ERAP1: variants seen among roughly 807,000 people sequenced by gnomAD.
ERAP1 encodes adipocyte-derived leucine aminopeptidase.
In ERAP1, 86 loss-of-function variants were observed where a neutral mutation model predicts 103.7. That is an observed-to-expected ratio of 0.83 (90% confidence interval 0.70 to 0.99). The LOEUF is 0.99. ERAP1 is among the 50% of genes least tolerant of loss of function. The probability of loss-of-function intolerance (pLI) is 0.00; values close to 1 mark genes in which losing one functional copy is unlikely to be tolerated. For synonymous variants in ERAP1, 398 were observed against 402.4 expected (o/e 0.99, Z 0.13); for missense variants, 1,009 against 1,128.4 (o/e 0.89, Z 1.52).
chr5:96,803,999 C>T, intron 1 of ERAP1, 56 bp from the exon 2 acceptor site: 1 of 1,559,376 alleles, frequency 6.4e-7, no homozygotes. Flanking sequence ...GTTATTGACA[C>T]AGCATAATTT....
chr5:96,884,468 G>T, the ERAP1 span, among the ~76,000 whole-genome samples: 2 of 151,894 alleles, frequency 1.3e-5, no homozygotes, highest in African/African-American at 4.8e-5. Context: ...AGAAGTCTAT[G>T]ATGGAACTTA....
chr5:96,892,427 G>C, the ERAP1 span: 2 of 1,613,876 alleles, frequency 1.2e-6, no homozygotes, highest in Non-Finnish European at 8.5e-7. Flanking sequence ...GGTCACCAGA[G>C]TCATAGCCCA....
the ERAP1 span, among the ~76,000 whole-genome samples, chr5:96,853,861 A>AAG: frequency 1.3e-5 from 2 of 151,568 alleles, no homozygotes; most frequent in Non-Finnish European, 2.9e-5. Flanking sequence ...AAAAAAAAAA[A>AAG]AAGAAGCATG....
At chr5:96,935,772 A>C in the ERAP1 span, 1 of 215,132 alleles carries the variant, frequency 4.6e-6, no homozygotes. Context: ...GGCGTCCGGG[A>C]TCGGGCGGGT....
the ERAP1 span, among the ~76,000 whole-genome samples, chr5:96,912,128 C>T: frequency 4.1e-5 from 6 of 147,072 alleles, no homozygotes; most frequent in Non-Finnish European, 6.0e-5. Flanking sequence ...GGGGCGGAGC[C>T]TGCAGTGAGC....
At chr5:96,862,710 G>A in the ERAP1 span, among the ~76,000 whole-genome samples, 4 of 152,082 alleles carry the variant, frequency 2.6e-5, no homozygotes, top group Admixed American at 2.6e-4. Context: ...ATGGCAACAG[G>A]GTAACCTTCT....
upstream of ERAP1, among the ~76,000 whole-genome samples, chr5:96,811,281 A>G (rs1233951147): frequency 6.6e-6 from 1 of 152,222 alleles, no homozygotes; most frequent in Non-Finnish European, 1.5e-5. Context: ...GTTCCAAAAC[A>G]GGCCACTGAG....
the ERAP1 span, among the ~76,000 whole-genome samples, chr5:96,897,908 C>A: frequency 1.3e-5 from 2 of 152,284 alleles, no homozygotes; most frequent in South Asian, 2.1e-4. Context: ...TTTAAAGACA[C>A]TTTCATGGCC....
chr5:96,788,623 A>G lies in ERAP1; in HGVS notation c.1587T>C (p.Gly529=). 1 of 1,613,954 alleles carries G rather than the reference A, an allele frequency of 6.2e-7. No individual in the cohort carries two copies. Among genetic ancestry groups the G allele is most frequent in the Non-Finnish European group, 8.5e-7 (1 of 1,179,964 alleles). ...TCACTGTGATGGTTATTAGGGGAAA[A>G]CCCTTCTGCAGTGTCCAAGTGTTCA... ...TMMNTWTLQK[G]FPLITITVRG... The change falls in exon 11 of 19, where the codon GGT becomes GGC. Residue 529 remains glycine, a synonymous_variant. Transcript: ENST00000443439.
In ERAP1 at chr5:96,803,579, C is replaced by G. The variant is rs143595169; in HGVS notation, c.348G>C (p.Ser116=). Residue 116 remains serine, a synonymous_variant, in exon 2 of 19, where the codon TCG becomes TCC. Coordinates refer to ENST00000443439, the MANE Select transcript of ERAP1 (RefSeq NM_001040458.3). The part of the protein sequence containing the change: ...TLRKGAGERL[S]EEPLQVLEHP... ...GTTCCAGGACCTGCAGGGGTTCTTC[C>G]GATAGCCTCTCTCCAGCTCCCTTCC... 2 of 1,614,016 alleles carry G rather than the reference C, an allele frequency of 1.2e-6. No homozygotes were observed. The highest frequency in any genetic ancestry group is 1.7e-6 in the Non-Finnish European group (2 of 1,179,934).
upstream of ERAP1, among the ~76,000 whole-genome samples, chr5:96,812,974 C>T (rs1289660927): frequency 6.6e-6 from 1 of 151,974 alleles, no homozygotes; most frequent in African/African-American, 2.4e-5. Flanking sequence ...TTTTTTCTTT[C>T]CCAACCCTTC....
At chr5:96,891,724 C>T in the ERAP1 span, among the ~76,000 whole-genome samples, 2 of 151,864 alleles carry the variant, frequency 1.3e-5, no homozygotes, top group African/African-American at 4.8e-5. Flanking sequence ...AGAATCAATT[C>T]CCAGAGCTTT....
chr5:96,854,464 AC>A, the ERAP1 span, among the ~76,000 whole-genome samples: 1 of 152,028 alleles, frequency 6.6e-6, no homozygotes, highest in South Asian at 2.1e-4. Flanking sequence ...CAAAAAAAAA[AC>A]CTCTGAGCAC....
chr5:96,805,247 A>T, intron 1 of ERAP1, among the ~76,000 whole-genome samples: 1 of 151,808 alleles, frequency 6.6e-6, no homozygotes, highest in East Asian at 1.9e-4. Context: ...AGCTTTTAAA[A>T]TTTTCGATGC....
rs1581555214 is a variant in ERAP1, at chr5:96,783,371, C to T, written c.2101-136G>A. The T allele has an allele frequency of 2.6e-5, 18 of 701,720 alleles. No homozygotes were observed. In the East Asian group the frequency reaches 4.9e-4, roughly 19 times the overall value. The allele number at this position is 701,720 out of a possible 1,614,324, so 43.5% of individuals were successfully genotyped here. On this transcript the variant is annotated intron_variant, in intron 14 of 18. Coordinates refer to ENST00000443439, the MANE Select transcript of ERAP1 (RefSeq NM_001040458.3). Reference sequence around the variant, plus strand: ...AACTTTTACTGTATAAATCATGCAGCACTGTTTAATTATAAAAGGGCCAAA... The same window carrying T: ...AACTTTTACTGTATAAATCATGCAGTACTGTTTAATTATAAAAGGGCCAAA...
chr5:96,807,771 C>G (rs1174187574), intron 1 of ERAP1, 89 bp downstream of exon 1: 1 of 922,104 alleles, frequency 1.1e-6, no homozygotes, highest in African/African-American at 1.8e-5. Flanking sequence ...AGGCCCTCAG[C>G]CCCCCACTTG....
At chr5:96,846,269 T>A in the ERAP1 span, among the ~76,000 whole-genome samples, 1 of 152,228 alleles carries the variant, frequency 6.6e-6, no homozygotes, top group African/African-American at 2.4e-5. Flanking sequence ...CTTTATTTGA[T>A]GGTAATACAC....
chr5:96,836,482 G>C, the ERAP1 span, among the ~76,000 whole-genome samples: 1 of 152,124 alleles, frequency 6.6e-6, no homozygotes, highest in Non-Finnish European at 1.5e-5. Flanking sequence ...GATTACAGGC[G>C]TGAGCCACCA....
chr5:96,770,279 G>C (rs770765416), downstream of ERAP1: 4 of 465,602 alleles, frequency 8.6e-6, no homozygotes, highest in Non-Finnish European at 1.2e-5. Flanking sequence ...GTCTGGGTGA[G>C]TCAGGCACCA....
Sources: allele counts gnomAD v4.1 joint callset (sites outside exome capture counted in the v4.1 genomes callset), GRCh38; gene constraint gnomAD v4.1.1; transcripts MANE v1.5; gene names NCBI Gene and HGNC (gene_info 2026-07-23, HGNC 2026-07-21).